Variants in DNAJC28 observed in about 807,000 individuals in gnomAD.
DNAJC28 encodes the protein dnaJ homolog subfamily C member 28.
A neutral mutation model predicts 33.3 loss-of-function variants in DNAJC28; 24 were observed. That is an observed-to-expected ratio of 0.72 (90% CI 0.52 to 1.01). DNAJC28 has a LOEUF of 1.01. Among genes scored for constraint, DNAJC28 ranks in the 50% least tolerant of loss-of-function variants. DNAJC28 has a pLI of 0.00. For synonymous variants in DNAJC28, 120 were observed against 147.2 expected (o/e 0.82, Z 1.34); for missense variants, 442 against 455.2 (o/e 0.97, Z 0.26).
In DNAJC28 at chr21:33,488,218, T is replaced by C. The variant is rs1270373602; in HGVS notation, c.*9A>G. The C allele has an allele frequency of 6.7e-7, 1 of 1,486,006 alleles. No homozygotes were observed. Among genetic ancestry groups the C allele is most frequent in the Non-Finnish European group, 8.9e-7 (1 of 1,119,088 alleles). 92.1% of individuals were successfully genotyped at this position (1,486,006 alleles called of 1,614,324 possible). ...CAGTGGAACTAAGAATGATTTATGATAGTAAACATCAAAATGATCGTATTT... is the reference window on the plus strand; with the variant it reads ...CAGTGGAACTAAGAATGATTTATGACAGTAAACATCAAAATGATCGTATTT... On this transcript the variant is annotated 3_prime_UTR_variant, in exon 2 of 2. Transcript: ENST00000381947.
In DNAJC28 at chr21:33,488,067, G is replaced by A. The variant is rs1454804098; in HGVS notation, c.*160C>T. The A allele has an allele frequency of 8.4e-6, 5 of 593,388 alleles. No homozygotes were observed. The highest frequency in any genetic ancestry group is 3.8e-5 in the Admixed American group (1 of 26,450). The allele number at this position is 593,388 out of a possible 1,614,324, so 36.8% of individuals were successfully genotyped here. ...ATTTTCTTTTCTTGCTATATCCTCA[G>A]GACAAACCTGATAGGTTTCTCACTC... On this transcript the variant is annotated 3_prime_UTR_variant, in exon 2 of 2. Coordinates refer to ENST00000381947, the MANE Select transcript of DNAJC28 (RefSeq NM_001040192.3).
intron 1 of DNAJC28, among the ~76,000 whole-genome samples, chr21:33,489,736 C>T (rs940862782): frequency 5.9e-5 from 9 of 151,356 alleles, no homozygotes; most frequent in African/African-American, 1.9e-4. Flanking sequence ...GTTATCTGCC[C>T]GCCTCGGCCT....
Position 33,489,265 on chromosome 21 carries a change from A to G in DNAJC28, c.129T>C (p.His43=). The change falls in exon 2 of 2, where the codon CAT becomes CAC. Residue 43 remains histidine (H), a synonymous_variant. Coordinates refer to ENST00000381947, the MANE Select transcript of DNAJC28 (RefSeq NM_001040192.3). Reference sequence around the variant, plus strand: ...ATTCTCTGATCTTCTTTTTGGATTTATGGGTTGACATCATTCTATTTCTAA... The same window carrying G: ...ATTCTCTGATCTTCTTTTTGGATTTGTGGGTTGACATCATTCTATTTCTAA... The part of the protein sequence containing the change: ...GIIRNRMMST[H]KSKKKIREYY... 6.2e-7 allele frequency: 1 copy of G among 1,601,776 alleles called. No individual in the cohort carries two copies. Among genetic ancestry groups the G allele is most frequent in the Non-Finnish European group, 8.5e-7 (1 of 1,176,606 alleles).
rs752877249 is a variant in DNAJC28 at position 33,488,762 on chromosome 21, G to C, written c.632C>G (p.Ser211Cys). 2.5e-5 allele frequency: 40 copies of C among 1,613,068 alleles called. No homozygotes were observed. The highest frequency in any genetic ancestry group is 3.3e-5 in the Non-Finnish European group (39 of 1,179,854). ...ATTGTCAAAGTCTCCTTTTGCCATGGATTCTTGAATGAGGTCCTCCACTAA... is the reference window on the plus strand; with the variant it reads ...ATTGTCAAAGTCTCCTTTTGCCATGCATTCTTGAATGAGGTCCTCCACTAA... ...ERLVEDLIQE[S>C]MAKGDFDNLS... Residue 211 changes from serine to cysteine, a missense_variant, in exon 2 of 2, where the codon TCC (serine) becomes TGC (cysteine). Coordinates refer to ENST00000381947, the MANE Select transcript of DNAJC28 (RefSeq NM_001040192.3).
Position 33,491,652 on chromosome 21 carries a change from C to T in DNAJC28, c.-82G>A, listed in dbSNP as rs2084526468. 1 of 152,328 alleles carries T rather than the reference C, an allele frequency of 6.6e-6. No homozygotes were observed. Among genetic ancestry groups the T allele is most frequent in the Admixed American group, 6.5e-5 (1 of 15,280 alleles). The allele number at this position is 152,328 out of a possible 1,614,324, so 9.4% of individuals were successfully genotyped here. Reference sequence around the variant, plus strand: ...GGAAAACGGACAATCTTCCGCCAAACGAACTTTACCCCGGAGGACCCAGGC... The same window carrying T: ...GGAAAACGGACAATCTTCCGCCAAATGAACTTTACCCCGGAGGACCCAGGC... On this transcript the variant is annotated 5_prime_UTR_variant, in exon 1 of 2. Coordinates refer to ENST00000381947, the MANE Select transcript of DNAJC28 (RefSeq NM_001040192.3).
chr21:33,489,962 T>A (rs2084507207), intron 1 of DNAJC28, among the ~76,000 whole-genome samples: 1 of 151,402 alleles, frequency 6.6e-6, no homozygotes, highest in South Asian at 2.1e-4. Context: ...CCTGGCTAAT[T>A]TCTGTATTTT....
In DNAJC28 at chr21:33,489,444, A is replaced by G; in HGVS notation, c.-31-20T>C. On this transcript the variant is annotated intron_variant, in intron 1 of 1. Coordinates refer to ENST00000381947, the MANE Select transcript of DNAJC28 (RefSeq NM_001040192.3). ...AATGACCTATAAAACGACAACAAAT[A>G]TAGGTTGAACAAAGTTGTATTATCA... 1 of 1,300,810 alleles carries G rather than the reference A, an allele frequency of 7.7e-7. No individual in the cohort carries two copies. The highest frequency in any genetic ancestry group is 1.0e-6 in the Non-Finnish European group (1 of 972,128). The allele number at this position is 1,300,810 out of a possible 1,614,324, so 80.6% of individuals were successfully genotyped here.
In DNAJC28 at chr21:33,488,140, A is replaced by C; in HGVS notation, c.*87T>G. On this transcript the variant is annotated 3_prime_UTR_variant, in exon 2 of 2. Transcript: ENST00000381947. ...AGTTTTGTGATAAGTACAATGGCACAATTCTTAAATTCTTGTATTATAGCA... is the reference window on the plus strand; with the variant it reads ...AGTTTTGTGATAAGTACAATGGCACCATTCTTAAATTCTTGTATTATAGCA... 1 of 1,122,532 alleles carries C rather than the reference A, an allele frequency of 8.9e-7. No individual in the cohort carries two copies. The highest frequency in any genetic ancestry group is 1.2e-6 in the Non-Finnish European group (1 of 818,872). 69.5% of individuals were successfully genotyped at this position (1,122,532 alleles called of 1,614,324 possible).
chr21:33,489,377 A>G lies in DNAJC28; in HGVS notation c.17T>C (p.Val6Ala). 6.6e-7 allele frequency: 1 copy of G among 1,526,170 alleles called. No individual in the cohort carries two copies. The highest frequency in any genetic ancestry group is 1.3e-5 in the South Asian group (1 of 74,094). 94.5% of individuals were successfully genotyped at this position (1,526,170 alleles called of 1,614,324 possible). MNTMY[V>A]MMAQILRSHL... ...AGATCTTAAGATCTGAGCCATCATC[A>G]CATACATTGTATTCATTATTGTACC... Residue 6 changes from valine (V) to alanine (A), a missense_variant, in exon 2 of 2, where the codon GTG (valine) becomes GCG (alanine). By Grantham distance (64) the Val-to-Ala change is moderately conservative. Coordinates refer to ENST00000381947, the MANE Select transcript of DNAJC28 (RefSeq NM_001040192.3).
chr21:33,488,121 G>T lies in DNAJC28; in HGVS notation c.*106C>A. 2 of 937,362 alleles carry T rather than the reference G, an allele frequency of 2.1e-6. No individual in the cohort carries two copies. Among genetic ancestry groups the T allele is most frequent in the Non-Finnish European group, 3.0e-6 (2 of 663,504 alleles). The allele number at this position is 937,362 out of a possible 1,614,324, so 58.1% of individuals were successfully genotyped here. A position where few individuals can be genotyped will look rare whatever the true frequency, so the allele number is the denominator to read the frequency against. The stretch of plus-strand genomic sequence containing the variant: ...CATCATTGGCTATGTGATTAGTTTT[G>T]TGATAAGTACAATGGCACAATTCTT... On this transcript the variant is annotated 3_prime_UTR_variant, in exon 2 of 2. Coordinates refer to ENST00000381947, the MANE Select transcript of DNAJC28 (RefSeq NM_001040192.3).
intron 1 of DNAJC28, among the ~76,000 whole-genome samples, chr21:33,490,121 T>C (rs1349222015): frequency 7.3e-6 from 1 of 137,264 alleles, no homozygotes; most frequent in Non-Finnish European, 1.6e-5. Flanking sequence ...TTTTCTTTTC[T>C]TTTTTTTTTT....
chr21:33,489,083 G>A lies in DNAJC28; in HGVS notation c.311C>T (p.Ser104Phe). ...GGCATTTGTTTGTTCTATCACATGG[G>A]AGAGCACCTTTCTATAAGCTTTTTC... ...RIEKAYRKVLSHVIEQTNASQ... is the reference protein window; with the variant it reads ...RIEKAYRKVLFHVIEQTNASQ... Residue 104 changes from serine to phenylalanine, a missense_variant, in exon 2 of 2, where the codon TCC (serine) becomes TTC (phenylalanine). Transcript: ENST00000381947. The A allele has an allele frequency of 6.2e-7, 1 of 1,613,714 alleles. No individual in the cohort carries two copies. Among genetic ancestry groups the A allele is most frequent in the African/African-American group, 1.3e-5 (1 of 74,966 alleles).
Position 33,489,443 on chromosome 21 carries a change from T to C in DNAJC28, c.-31-19A>G, listed in dbSNP as rs754370527. 2.3e-6 allele frequency: 3 copies of C among 1,307,188 alleles called. No homozygotes were observed. Among genetic ancestry groups the C allele is most frequent in the South Asian group, 1.9e-5 (1 of 51,580 alleles). The allele number at this position is 1,307,188 out of a possible 1,614,324, so 81.0% of individuals were successfully genotyped here. A position where few individuals can be genotyped will look rare whatever the true frequency, so the allele number is the denominator to read the frequency against. ...CAATGACCTATAAAACGACAACAAA[T>C]ATAGGTTGAACAAAGTTGTATTATC... On this transcript the variant is annotated intron_variant, in intron 1 of 1. Transcript: ENST00000381947.
rs749448909 is a variant in DNAJC28, at chr21:33,488,449, AT to A, written c.944del (p.Asn315IlefsTer2). 18 of 1,608,720 alleles carry A rather than the reference AT, an allele frequency of 1.1e-5. No individual in the cohort carries two copies. The highest frequency in any genetic ancestry group is 1.5e-5 in the Non-Finnish European group (18 of 1,178,064). On this transcript the variant is annotated frameshift_variant, in exon 2 of 2. Coordinates refer to ENST00000381947, the MANE Select transcript of DNAJC28 (RefSeq NM_001040192.3). LOFTEE classifies it high-confidence loss of function. The part of the protein sequence containing the change: ...RKLNKRINDF[N>X]LIVPILTRQK... ...GCCTGGTCAGGATGGGAACAATTAA[AT>A]TAAAATCATTAATTCGCTTGTTTAA...
intron 1 of DNAJC28, 40 bp downstream of exon 1, chr21:33,491,547 GACCATTTGCCACTTT>G (rs1388996699): frequency 6.6e-6 from 1 of 152,658 alleles, no homozygotes; most frequent in Non-Finnish European, 1.5e-5. Flanking sequence ...CGCCGGGCTA[GACCATTTGCCACTTT>G]ACACTGAGGG....
rs954942470 is a variant in DNAJC28, at chr21:33,489,132, C to T, written c.262G>A (p.Asp88Asn). 1.2e-6 allele frequency: 2 copies of T among 1,613,778 alleles called. No homozygotes were observed. Among genetic ancestry groups the T allele is most frequent in the Admixed American group, 1.7e-5 (1 of 59,938 alleles). ...YHPDSGSNTA[D>N]SATFIRIEKA... ...TCAATCCTTATAAATGTTGCAGAAT[C>T]AGCAGTATTAGAGCCACTGTCAGGA... is the stretch of plus-strand genomic sequence containing the variant. Residue 88 changes from aspartate (D) to asparagine (N), a missense_variant, in exon 2 of 2, where the codon GAT (aspartate) becomes AAT (asparagine). Coordinates refer to ENST00000381947, the MANE Select transcript of DNAJC28 (RefSeq NM_001040192.3).
Position 33,488,095 on chromosome 21 carries a change from ACAT to A in DNAJC28, c.*129_*131del. Reference sequence around the variant, plus strand: ...CAAACCTGATAGGTTTCTCACTCACACATCATTGGCTATGTGATTAGTTTTGTG... The same window carrying A: ...CAAACCTGATAGGTTTCTCACTCACACATTGGCTATGTGATTAGTTTTGTG... On this transcript the variant is annotated 3_prime_UTR_variant, in exon 2 of 2. Transcript: ENST00000381947. 4.2e-6 allele frequency: 3 copies of A among 718,252 alleles called. No homozygotes were observed. The allele number at this position is 718,252 out of a possible 1,614,324, so 44.5% of individuals were successfully genotyped here.
chr21:33,490,201 C>T (rs1218724292), intron 1 of DNAJC28, among the ~76,000 whole-genome samples: 2 of 151,146 alleles, frequency 1.3e-5, no homozygotes, highest in South Asian at 2.1e-4. Context: ...CTCTGCCTCC[C>T]GGGTTCAAGC....
In DNAJC28 at chr21:33,488,418, CT is replaced by C; in HGVS notation, c.975del (p.Val326SerfsTer20). On this transcript the variant is annotated frameshift_variant, in exon 2 of 2. Coordinates refer to ENST00000381947, the MANE Select transcript of DNAJC28 (RefSeq NM_001040192.3). LOFTEE classifies it high-confidence loss of function. The part of the protein sequence containing the change: ...NLIVPILTRQ[K>X]VHFDAQKEIV... ...ATTTCTTTCTGAGCATCAAAATGGACTTTTTGCCTGGTCAGGATGGGAACAA... is the reference window on the plus strand; with the variant it reads ...ATTTCTTTCTGAGCATCAAAATGGACTTTTGCCTGGTCAGGATGGGAACAA... 2 of 1,592,972 alleles carry C rather than the reference CT, an allele frequency of 1.3e-6. No individual in the cohort carries two copies. The highest frequency in any genetic ancestry group is 1.7e-6 in the Non-Finnish European group (2 of 1,173,644).
Sources: gnomAD v4.1 joint callset for allele counts (sites outside exome capture counted in the v4.1 genomes callset) on GRCh38, gnomAD v4.1.1 for gene constraint, MANE v1.5 for transcripts, NCBI Gene and HGNC (gene_info 2026-07-23, HGNC 2026-07-21) for gene names.